Variants in PCDHA11 observed in about 807,000 individuals in gnomAD.
PCDHA11 encodes protocadherin alpha 11.
In PCDHA11, 61 loss-of-function variants were observed where a neutral mutation model predicts 70.3. The observed-to-expected ratio is 0.87, with a 90% CI of 0.71 to 1.07. The LOEUF is 1.07. Among genes scored for constraint, PCDHA11 ranks in the 50% least tolerant of loss-of-function variants. The pLI, the probability that PCDHA11 is intolerant of heterozygous loss-of-function variation, is 0.00. For synonymous variants in PCDHA11, 633 were observed against 555.1 expected (o/e 1.14, Z -1.97); for missense variants, 1,324 against 1,237.5 (o/e 1.07, Z -1.05).
chr5:140,870,746 TGACG>T lies in PCDHA11; in HGVS notation c.1644_1647del (p.Thr549CysfsTer30). On this transcript the variant is annotated frameshift_variant, in exon 1 of 4. Transcript: ENST00000398640. LOFTEE classifies it high-confidence loss of function. ...GGCGTGCCGCCTCTGAGCAGCAACG[TGACG>T]CTGCAGGTGTTCGTGCTGGACGAGA... 6.2e-7 allele frequency: 1 copy of T among 1,613,488 alleles called. No individual in the cohort carries two copies. Among genetic ancestry groups the T allele is most frequent in the Non-Finnish European group, 8.5e-7 (1 of 1,179,886 alleles).
At chr5:140,946,019 C>T (rs1014072062) in intron 1 of PCDHA11, among the ~76,000 whole-genome samples, 2 of 151,732 alleles carry the variant, frequency 1.3e-5, no homozygotes, top group African/African-American at 2.4e-5. Context: ...TCCTGCGCAG[C>T]AAAGAAAACA....
intron 1 of PCDHA11, among the ~76,000 whole-genome samples, chr5:140,952,614 T>C (rs1381315866): frequency 6.6e-6 from 1 of 152,170 alleles, no homozygotes; most frequent in African/African-American, 2.4e-5. Flanking sequence ...CTCTCCCTCA[T>C]CTTCCCTCCA....
In PCDHA11 at chr5:141,011,628, A is replaced by G. The variant is rs568783669; in HGVS notation, c.*1691A>G. On this transcript the variant is annotated 3_prime_UTR_variant, in exon 4 of 4. Coordinates refer to ENST00000398640, the MANE Select transcript of PCDHA11 (RefSeq NM_018902.5). ...TTTATTTATGGTCCAGCCAAGAGCC[A>G]TCTCGTGCCAAGACTTCTGCTGGCA... is the stretch of plus-strand genomic sequence containing the variant. The G allele has an allele frequency of 6.5e-6, 1 of 153,882 alleles. No homozygotes were observed. Among genetic ancestry groups the G allele is most frequent in the East Asian group, 1.9e-4 (1 of 5,186 alleles). 9.5% of individuals were successfully genotyped at this position (153,882 alleles called of 1,614,324 possible).
At chr5:140,877,166 T>C in intron 1 of PCDHA11, 3 of 1,613,836 alleles carry the variant, frequency 1.9e-6, no homozygotes, top group Non-Finnish European at 2.5e-6. Context: ...GCGCCGGCAC[T>C]GCTGGCGACT....
chr5:140,964,918 G>A (rs563180752), intron 1 of PCDHA11, among the ~76,000 whole-genome samples: 59 of 152,308 alleles, frequency 3.9e-4, no homozygotes, highest in Admixed American at 3.4e-3. Context: ...GAATAACACT[G>A]GCTAGGTAGT....
chr5:140,932,593 A>G (rs1347990722), intron 1 of PCDHA11, among the ~76,000 whole-genome samples: 1 of 151,922 alleles, frequency 6.6e-6, no homozygotes, highest in African/African-American at 2.4e-5. Flanking sequence ...GATGTTTTGT[A>G]TATCTATTTT....
Position 140,925,562 on chromosome 5 carries a change from G to A in PCDHA11, c.2392-53387G>A, listed in dbSNP as rs28620116. On this transcript the variant is annotated intron_variant, in intron 1 of 3. Transcript: ENST00000398640. ...ACCTAATGTAAATGACAAGTTAATG[G>A]GTGCAGCACACCAACATGGCGCATG... 5.5e-3 allele frequency among the ~76,000 whole-genome samples: 841 copies of A among 151,670 alleles called. 7 individuals carry two copies. The highest frequency in any genetic ancestry group is 0.018 in the African/African-American group (764 of 41,334).
intron 1 of PCDHA11, 127 bp from the exon 2 acceptor site, chr5:140,978,822 A>G: frequency 6.6e-7 from 1 of 1,521,216 alleles, no homozygotes; most frequent in Non-Finnish European, 8.8e-7. Context: ...GTTACACATG[A>G]AATGGCTCAT....
At chr5:140,942,619 T>A in intron 1 of PCDHA11, among the ~76,000 whole-genome samples, 1 of 148,900 alleles carries the variant, frequency 6.7e-6, no homozygotes. Context: ...TTGCCAATTG[T>A]AAAAAAAAAA....
rs140822878 is a variant in PCDHA11 at position 140,941,951 on chromosome 5, A to C, written c.2392-36998A>C. Among the ~76,000 whole-genome samples the C allele has an allele frequency of 9.8e-5, 15 of 152,306 alleles. No individual in the cohort carries two copies. The East Asian group carries it at 2.7e-3, about 27-fold the overall frequency. On this transcript the variant is annotated intron_variant, in intron 1 of 3. Transcript: ENST00000398640. Reference sequence around the variant, plus strand: ...ATATTTGAATTACTTTTGTTTTGAAAACAATAGTATCTTTACTTTCCCTAA... The same window carrying C: ...ATATTTGAATTACTTTTGTTTTGAACACAATAGTATCTTTACTTTCCCTAA...
At chr5:140,982,211 A>G (rs1554243869) in intron 2 of PCDHA11, 1 of 476,036 alleles carries the variant, frequency 2.1e-6, no homozygotes, top group African/African-American at 2.0e-5. Flanking sequence ...AGTGAGCGCC[A>G]CATGGCGTTA....
At chr5:140,960,063 T>G (rs1461377026) in intron 1 of PCDHA11, among the ~76,000 whole-genome samples, 1 of 152,232 alleles carries the variant, frequency 6.6e-6, no homozygotes, top group Non-Finnish European at 1.5e-5. Flanking sequence ...GTACAGAAGA[T>G]TCAATTGAAG....
chr5:140,871,204 A>G lies in PCDHA11; in HGVS notation c.2101A>G (p.Ile701Val). ...ALVDVNVYLI[I>V]AICVVSSLLV... ...GGTGGATGTCAACGTGTACCTGATCATCGCCATCTGCGTGGTGTCCAGCCT... is the reference window on the plus strand; with the variant it reads ...GGTGGATGTCAACGTGTACCTGATCGTCGCCATCTGCGTGGTGTCCAGCCT... The change falls in exon 1 of 4, where the codon ATC becomes GTC. Residue 701 changes from isoleucine to valine, a missense_variant. By Grantham distance (29) the Ile-to-Val change is conservative (BLOSUM62 3). Coordinates refer to ENST00000398640, the MANE Select transcript of PCDHA11 (RefSeq NM_018902.5). 6.2e-7 allele frequency: 1 copy of G among 1,613,764 alleles called. No homozygotes were observed. The highest frequency in any genetic ancestry group is 8.5e-7 in the Non-Finnish European group (1 of 1,179,958).
intron 3 of PCDHA11, among the ~76,000 whole-genome samples, chr5:140,996,757 G>A (rs2097743678): frequency 6.6e-6 from 1 of 152,014 alleles, no homozygotes; most frequent in South Asian, 2.1e-4. Context: ...TATCTGTGCA[G>A]GACTAAAATA....
intron 1 of PCDHA11, among the ~76,000 whole-genome samples, chr5:140,885,444 T>C (rs2060598536): frequency 1.3e-5 from 2 of 152,198 alleles, no homozygotes; most frequent in South Asian, 2.1e-4. Flanking sequence ...TGCAATTATA[T>C]ATTATTTACC....
intron 1 of PCDHA11, chr5:140,877,946 C>T (rs996993086): frequency 3.2e-5 from 43 of 1,349,440 alleles, no homozygotes; most frequent in Non-Finnish European, 4.0e-5. Context: ...TTTAAACTAT[C>T]GAATGTCTCA....
chr5:140,902,421 A>G (rs1187358402), intron 1 of PCDHA11, among the ~76,000 whole-genome samples: 4 of 152,076 alleles, frequency 2.6e-5, no homozygotes, highest in Non-Finnish European at 5.9e-5. Context: ...AACAGTGGTG[A>G]AAGTGGGCAT....
chr5:140,928,664 G>A (rs186350151), intron 1 of PCDHA11: 2 of 1,614,214 alleles, frequency 1.2e-6, no homozygotes, highest in Non-Finnish European at 1.7e-6. Context: ...GCTGACAGTG[G>A]TTCTAATGCC....
intron 1 of PCDHA11, among the ~76,000 whole-genome samples, chr5:140,977,927 T>G (rs1214119079): frequency 6.6e-6 from 1 of 152,180 alleles, no homozygotes; most frequent in Non-Finnish European, 1.5e-5. Context: ...TTCATTCAAC[T>G]ATACCTCAAT....
Sources: gnomAD v4.1 joint callset for allele counts (sites outside exome capture counted in the v4.1 genomes callset) on GRCh38, gnomAD v4.1.1 for gene constraint, MANE v1.5 for transcripts, NCBI Gene and HGNC (gene_info 2026-07-23, HGNC 2026-07-21) for gene names.